The following AGBL4 variants were observed in gnomAD, a reference collection of about 807,000 sequenced individuals.
AGBL4 encodes the protein AGBL carboxypeptidase 4.
Under a neutral mutation model 66.4 loss-of-function variants are expected in AGBL4, and 58 were observed. The ratio of observed to expected loss-of-function variants is 0.87; its 90% CI spans 0.71 to 1.09. The LOEUF (loss-of-function observed/expected upper bound fraction) is 1.09, where lower values mean the gene tolerates loss of function less well. Among genes scored for constraint, AGBL4 ranks in the 50% least tolerant of loss-of-function variants. AGBL4 has a pLI of 0.00. For missense variants in AGBL4, 579 were observed against 631.0 expected (o/e 0.92, Z 0.88); for synonymous variants, 234 against 222.9 (o/e 1.05, Z -0.44).
intron 1 of AGBL4, among the ~76,000 whole-genome samples, chr1:49,996,931 A>G (rs1014866141): frequency 6.6e-6 from 1 of 152,232 alleles, no homozygotes; most frequent in African/African-American, 2.4e-5. Context: ...AAAAGCAATT[A>G]TCAGCCAAAA....
intron 5 of AGBL4, among the ~76,000 whole-genome samples, chr1:48,871,365 G>GTC (rs1648646468): frequency 1.3e-5 from 2 of 150,416 alleles, no homozygotes; most frequent in Non-Finnish European, 3.0e-5. Context: ...GTGTGTGTGT[G>GTC]TGTGTGTGTG....
chr1:49,877,408 T>C (rs576064252), intron 1 of AGBL4, among the ~76,000 whole-genome samples: 26 of 152,182 alleles, frequency 1.7e-4, no homozygotes, highest in Middle Eastern at 3.4e-3. Flanking sequence ...CTGCATCTAT[T>C]GAGATAATCA....
chr1:49,325,803 T>A (rs1645218248), intron 3 of AGBL4, among the ~76,000 whole-genome samples: 1 of 152,230 alleles, frequency 6.6e-6, no homozygotes, highest in Admixed American at 6.5e-5. Flanking sequence ...CACCATCGTC[T>A]TGGTGCTATC....
chr1:49,763,796 G>A (rs991558854), intron 2 of AGBL4, among the ~76,000 whole-genome samples: 1 of 152,138 alleles, frequency 6.6e-6, no homozygotes, highest in Non-Finnish European at 1.5e-5. Context: ...TCAGGCCATG[G>A]ATACCTGAGC....
chr1:49,010,896 C>G (rs1470855256), intron 5 of AGBL4, among the ~76,000 whole-genome samples: 1 of 151,656 alleles, frequency 6.6e-6, no homozygotes, highest in East Asian at 1.9e-4. Context: ...GGATTAAAGA[C>G]TTAAACGTTA....
intron 3 of AGBL4, among the ~76,000 whole-genome samples, chr1:49,586,839 T>C (rs986443317): frequency 6.6e-6 from 1 of 152,140 alleles, no homozygotes; most frequent in Non-Finnish European, 1.5e-5. Context: ...TTATATTAAA[T>C]TACTTATTCA....
chr1:49,249,852 T>C (rs1651912479), intron 3 of AGBL4, among the ~76,000 whole-genome samples: 1 of 152,058 alleles, frequency 6.6e-6, no homozygotes, highest in Non-Finnish European at 1.5e-5. Context: ...GGATAAAAAA[T>C]GGAATATTAT....
chr1:49,301,043 T>C (rs1644735962), intron 3 of AGBL4, among the ~76,000 whole-genome samples: 1 of 152,194 alleles, frequency 6.6e-6, no homozygotes, highest in South Asian at 2.1e-4. Context: ...AAGGAGCATG[T>C]CTTGTTTGTG....
intron 5 of AGBL4, among the ~76,000 whole-genome samples, chr1:49,027,820 C>T (rs946508588): frequency 2.6e-5 from 4 of 152,142 alleles, no homozygotes; most frequent in South Asian, 2.1e-4. Context: ...CAAATGCCCT[C>T]GGCCCAGCTA....
At chr1:48,528,658 A>G (rs1280427775), downstream of AGBL4, among the ~76,000 whole-genome samples, 4 of 152,082 alleles carry the variant, frequency 2.6e-5, no homozygotes, top group Non-Finnish European at 5.9e-5. Context: ...CTTCATCTGC[A>G]AAGTTGAGAA....
chr1:49,346,476 G>A (rs574159837), intron 3 of AGBL4, among the ~76,000 whole-genome samples: 3 of 152,264 alleles, frequency 2.0e-5, no homozygotes. Context: ...GTTTACTTGG[G>A]AAGATTTTAC....
intron 11 of AGBL4, among the ~76,000 whole-genome samples, chr1:48,583,227 A>G (rs1174073313): frequency 6.6e-6 from 1 of 152,190 alleles, no homozygotes; most frequent in Non-Finnish European, 1.5e-5. Flanking sequence ...TTCTTGCTAT[A>G]ACAGCCCTAT....
chr1:49,260,853 C>A (rs1471724646), intron 3 of AGBL4, among the ~76,000 whole-genome samples: 9 of 151,236 alleles, frequency 6.0e-5, no homozygotes, highest in South Asian at 4.2e-4. Context: ...GAGACACAAC[C>A]AAAAAAGAGA....
chr1:49,872,888 T>C (rs929511273), intron 1 of AGBL4, among the ~76,000 whole-genome samples: 1 of 152,060 alleles, frequency 6.6e-6, no homozygotes, highest in African/African-American at 2.4e-5. Flanking sequence ...TGCCTAATGT[T>C]TTTCAATTTT....
At chr1:49,759,543 G>A (rs531533862) in intron 2 of AGBL4, among the ~76,000 whole-genome samples, 2 of 152,248 alleles carry the variant, frequency 1.3e-5, no homozygotes, top group Admixed American at 1.3e-4. Flanking sequence ...ACTTCAGCTA[G>A]TTGATAATTA....
At chr1:50,007,827 G>T (rs1661250545) in intron 1 of AGBL4, among the ~76,000 whole-genome samples, 1 of 151,810 alleles carries the variant, frequency 6.6e-6, no homozygotes, top group South Asian at 2.1e-4. Flanking sequence ...AAAATAAACG[G>T]ATGAAAAAAG....
chr1:49,976,202 T>C (rs1295408363), intron 1 of AGBL4, among the ~76,000 whole-genome samples: 1 of 152,200 alleles, frequency 6.6e-6, no homozygotes, highest in Non-Finnish European at 1.5e-5. Flanking sequence ...TTAATTTTAA[T>C]TGTAGAATTT....
At chr1:49,935,508 T>C (rs1653886928) in intron 1 of AGBL4, among the ~76,000 whole-genome samples, 2 of 152,172 alleles carry the variant, frequency 1.3e-5, no homozygotes, top group South Asian at 2.1e-4. Context: ...CAGCTGGAGA[T>C]CTGAGAACGG....
intron 3 of AGBL4, among the ~76,000 whole-genome samples, chr1:49,533,190 G>T (rs974510274): frequency 1.3e-5 from 2 of 151,552 alleles, no homozygotes; most frequent in Admixed American, 1.3e-4. Context: ...CCTACACCCC[G>T]CCCCCACACA....
Sources: gnomAD v4.1 joint callset for allele counts (sites outside exome capture counted in the v4.1 genomes callset) on GRCh38, gnomAD v4.1.1 for gene constraint, MANE v1.5 for transcripts, NCBI Gene and HGNC (gene_info 2026-07-23, HGNC 2026-07-21) for gene names.